The following VPS53 variants were observed in gnomAD, a reference collection of about 807,000 sequenced individuals.
VPS53 encodes vacuolar protein sorting-associated protein 53 homolog.
VPS53 carries 70 observed loss-of-function variants against 107.0 expected under a neutral mutation model. That is an observed-to-expected ratio of 0.65 (90% CI 0.54 to 0.80). The LOEUF (loss-of-function observed/expected upper bound fraction) is 0.80. VPS53 is among the 30% of genes least tolerant of loss of function. The pLI, the probability that VPS53 is intolerant of heterozygous loss-of-function variation, is 0.00. For missense variants in VPS53, 917 were observed against 1,049.4 expected (o/e 0.87, Z 1.74); for synonymous variants, 409 against 393.3 (o/e 1.04, Z -0.47).
chr17:612,072 A>C (rs1968906066), intron 11 of VPS53, among the ~76,000 whole-genome samples: 2 of 152,124 alleles, frequency 1.3e-5, no homozygotes, highest in Non-Finnish European at 2.9e-5. Flanking sequence ...ACCTGTAAAA[A>C]TATTCACATA....
Position 662,414 on chromosome 17 carries a change from A to G in VPS53, c.286-519T>C, listed in dbSNP as rs150319923. Among the ~76,000 whole-genome samples the G allele has an allele frequency of 1.6e-3, 242 of 152,332 alleles. 6 individuals are homozygous for G. The East Asian group carries it at 0.036, about 23-fold the overall frequency. ...CACTTAGAAAGGAACACTGGGCCGG[A>G]CACAGTGGCTCACGCCTGTAATCCC... On this transcript the variant is annotated intron_variant, in intron 4 of 21. Transcript: ENST00000437048.
intron 12 of VPS53, among the ~76,000 whole-genome samples, chr17:601,540 C>G (rs1037319288): frequency 6.6e-6 from 1 of 152,196 alleles, no homozygotes; most frequent in African/African-American, 2.4e-5. Context: ...CTCTCCTGGC[C>G]CCACCACAGT....
rs534917776 is a variant in VPS53, at chr17:599,246, A to T, written c.1218+2549T>A. ...CTGCCCGGCCACCACCCTGTCTGGG[A>T]GGTGTACCCAACAGCTCATTGAGAA... is the stretch of plus-strand genomic sequence containing the variant. On this transcript the variant is annotated intron_variant, in intron 12 of 21. Coordinates refer to ENST00000437048, the MANE Select transcript of VPS53 (RefSeq NM_001128159.3). 9.1e-4 allele frequency among the ~76,000 whole-genome samples: 138 copies of T among 151,978 alleles called. 1 individual carries two copies. Among genetic ancestry groups the T allele is most frequent in the African/African-American group, 3.3e-3 (135 of 41,490 alleles).
chr17:550,483 A>G (rs1408354091), intron 17 of VPS53, among the ~76,000 whole-genome samples: 3 of 152,202 alleles, frequency 2.0e-5, no homozygotes, highest in African/African-American at 7.2e-5. Flanking sequence ...AGCCATAGAT[A>G]ATACATAAAT....
intron 7 of VPS53, among the ~76,000 whole-genome samples, chr17:646,468 ACCGCGTGG>A (rs1395798196): frequency 1.4e-5 from 2 of 138,048 alleles, no homozygotes; most frequent in Non-Finnish European, 3.2e-5. Context: ...CATCTCCGTG[ACCGCGTGG>A]CCACTGCCTC....
At chr17:588,501 T>A (rs1056761926) in intron 12 of VPS53, among the ~76,000 whole-genome samples, 5 of 152,166 alleles carry the variant, frequency 3.3e-5, no homozygotes, top group African/African-American at 1.2e-4. Flanking sequence ...AAAACATCTG[T>A]AAAAACTGAT....
chr17:601,407 G>C (rs1597367485), intron 12 of VPS53, among the ~76,000 whole-genome samples: 1 of 152,168 alleles, frequency 6.6e-6, no homozygotes, highest in African/African-American at 2.4e-5. Context: ...GCCTCTCCTA[G>C]CCGAGGGTGC....
intron 16 of VPS53, 140 bp from the exon 17 acceptor site, chr17:552,090 A>C: frequency 1.4e-6 from 1 of 718,522 alleles, no homozygotes; most frequent in Non-Finnish European, 2.2e-6. Context: ...GCGGAGGAAC[A>C]GCTTGGCTCT....
chr17:649,759 T>C (rs1421583921), intron 7 of VPS53, among the ~76,000 whole-genome samples: 1 of 151,718 alleles, frequency 6.6e-6, no homozygotes, highest in African/African-American at 2.4e-5. Flanking sequence ...CACTGAAGAT[T>C]GTACACTGTA....
rs763649088 is a variant in VPS53, at chr17:562,595, G to C, written c.1464C>G (p.Leu488=). The change falls in exon 14 of 22, where the codon CTC becomes CTG. Residue 488 remains leucine, a synonymous_variant. Coordinates refer to ENST00000437048, the MANE Select transcript of VPS53 (RefSeq NM_001128159.3). The part of the protein sequence containing the change: ...YKKCMVQCSQ[L]STGEPMIALT... ...GGGCGATCATGGGCTCCCCAGTACT[G>C]AGCTGAGAGCATTGCACCATGCACT... The C allele has an allele frequency of 2.3e-5, 37 of 1,613,844 alleles. No homozygotes were observed. In the East Asian group the frequency reaches 6.2e-4, roughly 27 times the overall value.
intron 6 of VPS53, among the ~76,000 whole-genome samples, chr17:654,536 A>T (rs1971096266): frequency 6.6e-6 from 1 of 152,066 alleles, no homozygotes; most frequent in Non-Finnish European, 1.5e-5. Flanking sequence ...CAGGAGATCG[A>T]GACCATCCTG....
chr17:520,064 C>A lies in VPS53; in HGVS notation c.2224-134G>T. On this transcript the variant is annotated intron_variant, in intron 20 of 21. Transcript: ENST00000437048. This position sits in a 1 kb window ranked among gnomAD's most constrained non-coding sequence, Gnocchi z 4.4. Reference sequence around the variant, plus strand: ...AGCGGGCCCTTCAGGAAAACTCACTCCTCACTTGCCCGCCGAGCGCTAAAT... The same window carrying A: ...AGCGGGCCCTTCAGGAAAACTCACTACTCACTTGCCCGCCGAGCGCTAAAT... 1 of 636,596 alleles carries A rather than the reference C, an allele frequency of 1.6e-6. No homozygotes were observed. 39.4% of individuals were successfully genotyped at this position (636,596 alleles called of 1,614,324 possible).
At chr17:559,595 T>C (rs766619839) in intron 15 of VPS53, among the ~76,000 whole-genome samples, 1 of 152,220 alleles carries the variant, frequency 6.6e-6, no homozygotes, top group African/African-American at 2.4e-5. Flanking sequence ...GGGGCCTTGG[T>C]AGACACACTT....
intron 8 of VPS53, among the ~76,000 whole-genome samples, chr17:629,810 C>CAT (rs1969873318): frequency 6.9e-4 from 1 of 1,452 alleles, no homozygotes; most frequent in Non-Finnish European, 2.8e-3. Context: ...AAAAAAAAAC[C>CAT]ACACACACAC....
chr17:573,453 G>A lies in VPS53; in HGVS notation c.1314-10708C>T, dbSNP rs778180499. 5.3e-5 allele frequency among the ~76,000 whole-genome samples: 8 copies of A among 152,244 alleles called. No individual in the cohort carries two copies. The South Asian group carries it at 1.2e-3, about 24-fold the overall frequency. ...GCTTTTGGCTGGGGCAGATGCTGCC[G>A]GAACTTTCCCTTGGCAGGTGGGAGG... is the stretch of plus-strand genomic sequence containing the variant. On this transcript the variant is annotated intron_variant, in intron 13 of 21. Transcript: ENST00000437048.
intron 4 of VPS53, among the ~76,000 whole-genome samples, chr17:686,703 C>T (rs1339885779): frequency 2.0e-5 from 3 of 152,238 alleles, no homozygotes; most frequent in Admixed American, 6.5e-5. Context: ...ATGGAGCTGA[C>T]GGAAAAGCCA....
intron 10 of VPS53, among the ~76,000 whole-genome samples, chr17:626,209 A>AC (rs1357429027): frequency 1.4e-5 from 2 of 144,266 alleles, no homozygotes; most frequent in Non-Finnish European, 3.1e-5. Flanking sequence ...ACCCCGTCTC[A>AC]AAAAAAAAAA....
chr17:643,461 T>C (rs1970536579), intron 7 of VPS53, among the ~76,000 whole-genome samples: 1 of 149,598 alleles, frequency 6.7e-6, no homozygotes, highest in South Asian at 2.1e-4. Context: ...ACACTCATAC[T>C]TGGAAATCAA....
chr17:698,397 C>A (rs1263007668), intron 3 of VPS53, among the ~76,000 whole-genome samples: 1 of 149,512 alleles, frequency 6.7e-6, no homozygotes, highest in Non-Finnish European at 1.5e-5. Flanking sequence ...CACACCACTG[C>A]ACTCTAGCCT....
Sources: gnomAD v4.1 joint callset for allele counts (sites outside exome capture counted in the v4.1 genomes callset) on GRCh38, gnomAD v4.1.1 for gene constraint, Gnocchi (gnomAD v3.1) non-coding constraint, MANE v1.5 for transcripts, NCBI Gene and HGNC (gene_info 2026-07-23, HGNC 2026-07-21) for gene names.